Variants in KCNIP4 observed in about 807,000 individuals in gnomAD.
KCNIP4 encodes potassium voltage-gated channel interacting protein 4.
Under a neutral mutation model 34.0 loss-of-function variants are expected in KCNIP4, and 12 were observed. That is an observed-to-expected ratio of 0.35 (90% CI 0.23 to 0.57). The LOEUF is 0.57. Ranked by LOEUF, KCNIP4 falls within the 20% of genes least tolerant of loss-of-function variation. The pLI is 0.83. For missense variants in KCNIP4, 238 were observed against 311.7 expected (o/e 0.76, Z 1.78); for synonymous variants, 124 against 102.2 (o/e 1.21, Z -1.29).
At chr4:20,989,414 G>T (rs1428358688) in intron 1 of KCNIP4, among the ~76,000 whole-genome samples, 6 of 152,188 alleles carry the variant, frequency 3.9e-5, no homozygotes, top group Non-Finnish European at 5.9e-5. Flanking sequence ...GACACAGGTG[G>T]CTTTGAATCC....
intron 1 of KCNIP4, among the ~76,000 whole-genome samples, chr4:21,029,399 G>A (rs1373304702): frequency 6.6e-6 from 1 of 152,182 alleles, no homozygotes; most frequent in East Asian, 1.9e-4. Flanking sequence ...CACTTTCTAT[G>A]ATGTACTAAC....
Position 21,222,817 on chromosome 4 carries a change from A to T in KCNIP4, c.62-340108T>A, listed in dbSNP as rs192421258. 6.5e-4 allele frequency among the ~76,000 whole-genome samples: 99 copies of T among 152,322 alleles called. 1 individual carries two copies. The highest frequency in any genetic ancestry group is 2.4e-3 in the African/African-American group (98 of 41,586). ...ATTTTTTATGCCAGTTTTTCACATA[A>T]GGACAGAATCACAGTTGTGTTTTGC... On this transcript the variant is annotated intron_variant, in intron 1 of 8. Transcript: ENST00000382152.
At chr4:20,826,154 G>A (rs1037192361) in intron 3 of KCNIP4, among the ~76,000 whole-genome samples, 4 of 152,122 alleles carry the variant, frequency 2.6e-5, no homozygotes, top group Non-Finnish European at 5.9e-5. Context: ...GAGGAGAATG[G>A]CAATACTACT....
At chr4:21,610,604 G>T (rs1376970735) in intron 1 of KCNIP4, among the ~76,000 whole-genome samples, 1 of 152,028 alleles carries the variant, frequency 6.6e-6, no homozygotes, top group Non-Finnish European at 1.5e-5. Flanking sequence ...TTAGCTCTAA[G>T]AAATTAAATA....
chr4:21,937,652 C>T (rs1729935865), intron 1 of KCNIP4, among the ~76,000 whole-genome samples: 1 of 152,094 alleles, frequency 6.6e-6, no homozygotes, highest in Non-Finnish European at 1.5e-5. Context: ...ACTAACCATT[C>T]AGGTTTTTTT....
chr4:21,205,129 C>T (rs1256504075), intron 1 of KCNIP4, among the ~76,000 whole-genome samples: 1 of 152,184 alleles, frequency 6.6e-6, no homozygotes, highest in Non-Finnish European at 1.5e-5. Flanking sequence ...GGAGTAAATA[C>T]TGGGTCGAAC....
At chr4:21,304,071 G>GAGAGAGAGAGAGAGAGAGAGAC in intron 1 of KCNIP4, 1 of 336,726 alleles carries the variant, frequency 3.0e-6, no homozygotes, top group Non-Finnish European at 4.3e-6. Flanking sequence ...GAGAGAGACA[G>GAGAGAGAGAGAGAGAGAGAGAC]AGAGAGAGAG....
chr4:21,465,108 T>C (rs1404983928), intron 1 of KCNIP4, among the ~76,000 whole-genome samples: 1 of 152,050 alleles, frequency 6.6e-6, no homozygotes, highest in East Asian at 1.9e-4. Context: ...TGAGTATAAA[T>C]AGAAGAAGAA....
intron 1 of KCNIP4, among the ~76,000 whole-genome samples, chr4:21,630,876 A>G (rs534103641): frequency 6.6e-6 from 1 of 152,072 alleles, no homozygotes; most frequent in Admixed American, 6.6e-5. Flanking sequence ...ATGTTTTGCT[A>G]CTCTCCTCAC....
intron 3 of KCNIP4, among the ~76,000 whole-genome samples, chr4:20,821,854 A>ATGTG (rs139608764): frequency 1.0e-4 from 15 of 150,584 alleles, no homozygotes; most frequent in East Asian, 3.9e-4. Context: ...GTGTGTGTGT[A>ATGTG]TGTGTGTGTG....
chr4:21,346,700 T>A (rs1717462433), intron 1 of KCNIP4, among the ~76,000 whole-genome samples: 1 of 152,258 alleles, frequency 6.6e-6, no homozygotes, highest in East Asian at 1.9e-4. Context: ...TGGGGAATCT[T>A]GTTAAAACAT....
chr4:20,828,437 C>A (rs1718034979), intron 3 of KCNIP4, among the ~76,000 whole-genome samples: 1 of 152,064 alleles, frequency 6.6e-6, no homozygotes, highest in Non-Finnish European at 1.5e-5. Context: ...AACAAAGAAA[C>A]AAACAAAAGC....
At chr4:21,188,426 C>T (rs1357304936) in intron 1 of KCNIP4, among the ~76,000 whole-genome samples, 1 of 152,128 alleles carries the variant, frequency 6.6e-6, no homozygotes, top group Non-Finnish European at 1.5e-5. Flanking sequence ...TGGCTTCTCT[C>T]CCTTCTCCTC....
chr4:21,774,676 A>G (rs995105969), intron 1 of KCNIP4, among the ~76,000 whole-genome samples: 7 of 152,036 alleles, frequency 4.6e-5, no homozygotes, highest in African/African-American at 1.7e-4. Context: ...AAGAATGCAT[A>G]TCTTATTTCA....
intron 1 of KCNIP4, among the ~76,000 whole-genome samples, chr4:21,660,587 A>G (rs537382322): frequency 6.6e-6 from 1 of 152,296 alleles, no homozygotes; most frequent in Admixed American, 6.5e-5. Context: ...GTAGACTAAC[A>G]TGCCCTACTT....
At chr4:20,747,777 G>GT (rs1752680587) in intron 5 of KCNIP4, among the ~76,000 whole-genome samples, 1 of 152,140 alleles carries the variant, frequency 6.6e-6, no homozygotes, top group Non-Finnish European at 1.5e-5. Flanking sequence ...TGGAGTATGT[G>GT]TGAGGAGGCT....
At chr4:20,980,692 T>C (rs964519262) in intron 1 of KCNIP4, among the ~76,000 whole-genome samples, 1 of 152,098 alleles carries the variant, frequency 6.6e-6, no homozygotes, top group South Asian at 2.1e-4. Context: ...GGAGAAAATA[T>C]TCCATGATGG....
At chr4:21,170,646 G>T (rs1413284606) in intron 1 of KCNIP4, among the ~76,000 whole-genome samples, 3 of 152,156 alleles carry the variant, frequency 2.0e-5, no homozygotes, top group African/African-American at 7.2e-5. Context: ...GAATTACATT[G>T]TGATTGCTCA....
intron 1 of KCNIP4, among the ~76,000 whole-genome samples, chr4:21,939,596 A>T (rs1376652368): frequency 6.6e-6 from 1 of 152,110 alleles, no homozygotes; most frequent in African/African-American, 2.4e-5. Flanking sequence ...TTAAATTAAC[A>T]CAGTGCACCT....
Sources: allele counts gnomAD v4.1 joint callset (sites outside exome capture counted in the v4.1 genomes callset), GRCh38; gene constraint gnomAD v4.1.1; transcripts MANE v1.5; gene names NCBI Gene and HGNC (gene_info 2026-07-23, HGNC 2026-07-21).